SLC39A11: variants seen among roughly 807,000 people sequenced by gnomAD.
The protein encoded by SLC39A11 is zinc transporter ZIP11.
A neutral mutation model predicts 36.1 loss-of-function variants in SLC39A11; 33 were observed. That is an observed-to-expected ratio of 0.91 (90% CI 0.69 to 1.22). SLC39A11 has a LOEUF of 1.22. Among genes scored for constraint, SLC39A11 ranks in the 50% most tolerant of loss-of-function variants. The pLI is 0.00. For synonymous variants in SLC39A11, 166 were observed against 170.3 expected, an observed-to-expected ratio of 0.97 and a Z score of 0.20; for missense variants, 432 against 430.3, an observed-to-expected ratio of 1.00 and a Z score of -0.03.
chr17:72,846,000 A>ATC lies in SLC39A11; in HGVS notation c.601+3632_601+3633dup, dbSNP rs796515825. ...GAGAATCCATCTTTCAAACCAATGA[A>ATC]TCTCTCTCTCTCTCTCTCTTTTTTT... is the stretch of plus-strand genomic sequence containing the variant. On this transcript the variant is annotated intron_variant, in intron 6 of 9. Coordinates refer to ENST00000255559, the MANE Select transcript of SLC39A11 (RefSeq NM_139177.4). 4.2e-3 allele frequency among the ~76,000 whole-genome samples: 553 copies of ATC among 132,396 alleles called. 19 individuals are homozygous for ATC. Among genetic ancestry groups the ATC allele is most frequent in the African/African-American group, 9.6e-3 (316 of 32,750 alleles). The allele number at this position is 132,396 out of a possible 152,430, so 86.9% of individuals were successfully genotyped here. A position where few individuals can be genotyped will look rare whatever the true frequency, so the allele number is the denominator to read the frequency against.
chr17:72,934,246 A>G (rs1468397741), intron 5 of SLC39A11, among the ~76,000 whole-genome samples: 2 of 152,244 alleles, frequency 1.3e-5, no homozygotes, highest in Admixed American at 1.3e-4. Context: ...TTGGCAGTTC[A>G]TCAAGATTAA....
At chr17:72,768,203 A>G (rs1470299901) in intron 6 of SLC39A11, among the ~76,000 whole-genome samples, 1 of 152,210 alleles carries the variant, frequency 6.6e-6, no homozygotes, top group Non-Finnish European at 1.5e-5. Flanking sequence ...CTGGCAACCT[A>G]TGTATACACT....
intron 5 of SLC39A11, among the ~76,000 whole-genome samples, chr17:72,903,343 C>G (rs1286979383): frequency 6.6e-6 from 1 of 151,610 alleles, no homozygotes; most frequent in Non-Finnish European, 1.5e-5. Context: ...AGTTCTTCTT[C>G]TTGGATGGAT....
chr17:72,828,477 T>C (rs2078124474), intron 6 of SLC39A11, among the ~76,000 whole-genome samples: 1 of 152,100 alleles, frequency 6.6e-6, no homozygotes, highest in South Asian at 2.1e-4. Flanking sequence ...AGGAGTGAAA[T>C]GGAGGCACAG....
chr17:72,957,175 G>C (rs538949999), intron 4 of SLC39A11, among the ~76,000 whole-genome samples: 2 of 152,166 alleles, frequency 1.3e-5, no homozygotes, highest in African/African-American at 2.4e-5. Context: ...AGAGGCCAAA[G>C]CATCATCCCA....
chr17:72,701,509 C>T (rs756620734), intron 7 of SLC39A11, among the ~76,000 whole-genome samples: 6 of 152,052 alleles, frequency 3.9e-5, no homozygotes, highest in Non-Finnish European at 8.8e-5. Context: ...TGGGCAGATA[C>T]CTGAGGTCAG....
intron 7 of SLC39A11, among the ~76,000 whole-genome samples, chr17:72,671,604 T>G (rs1190221343): frequency 1.3e-5 from 2 of 151,976 alleles, no homozygotes; most frequent in African/African-American, 4.8e-5. Context: ...GCCTGTAATC[T>G]CAGCTACTCA....
intron 7 of SLC39A11, among the ~76,000 whole-genome samples, chr17:72,728,010 G>A (rs1052073265): frequency 1.6e-4 from 24 of 152,202 alleles, no homozygotes; most frequent in African/African-American, 5.8e-4. Flanking sequence ...CACAGGCGAC[G>A]TTTATATGAA....
At chr17:72,757,205 A>G (rs891570919) in intron 6 of SLC39A11, among the ~76,000 whole-genome samples, 3 of 152,012 alleles carry the variant, frequency 2.0e-5, no homozygotes, top group Admixed American at 2.0e-4. Flanking sequence ...AAATAAAAAG[A>G]AAAAAGTGGT....
chr17:73,014,781 C>A (rs2090717446), intron 4 of SLC39A11, among the ~76,000 whole-genome samples: 1 of 152,216 alleles, frequency 6.6e-6, no homozygotes, highest in Non-Finnish European at 1.5e-5. Flanking sequence ...CCTCTGGCTG[C>A]ACGTTTCTCT....
At chr17:72,703,722 A>G (rs775431414) in intron 7 of SLC39A11, among the ~76,000 whole-genome samples, 1 of 152,248 alleles carries the variant, frequency 6.6e-6, no homozygotes, top group Non-Finnish European at 1.5e-5. Context: ...AAGAACCTGA[A>G]TGAACATAGG....
chr17:73,075,714 G>A (rs576059336), intron 3 of SLC39A11, among the ~76,000 whole-genome samples: 13 of 152,220 alleles, frequency 8.5e-5, no homozygotes, highest in Non-Finnish European at 1.5e-4. Flanking sequence ...TTAGCTAGGC[G>A]TGGTGGTGGG....
intron 7 of SLC39A11, among the ~76,000 whole-genome samples, chr17:72,699,283 A>T (rs2072491606): frequency 6.6e-6 from 1 of 152,250 alleles, no homozygotes; most frequent in African/African-American, 2.4e-5. Context: ...AAATAAAAAA[A>T]TTTTGCAAAG....
At chr17:72,782,161 T>A (rs1399238085) in intron 6 of SLC39A11, among the ~76,000 whole-genome samples, 1 of 151,972 alleles carries the variant, frequency 6.6e-6, no homozygotes, top group African/African-American at 2.4e-5. Context: ...GAAGCAGACA[T>A]AGAGACACCC....
intron 5 of SLC39A11, among the ~76,000 whole-genome samples, chr17:72,883,507 T>C (rs2081306230): frequency 1.3e-5 from 2 of 152,136 alleles, no homozygotes; most frequent in Non-Finnish European, 2.9e-5. Context: ...CAAGGTTTCA[T>C]GGTGGCAGAA....
rs556164100 is a variant in SLC39A11 at position 72,736,118 on chromosome 17, G to A, written c.671+532C>T. ...ACATGGAAAATAAAGTCACAAGGACGGAGAAGATTGCCCAGAAATGGTGTG... is the reference window on the plus strand; with the variant it reads ...ACATGGAAAATAAAGTCACAAGGACAGAGAAGATTGCCCAGAAATGGTGTG... On this transcript the variant is annotated intron_variant, in intron 7 of 9. Coordinates refer to ENST00000255559, the MANE Select transcript of SLC39A11 (RefSeq NM_139177.4). Among the ~76,000 whole-genome samples the A allele has an allele frequency of 7.2e-5, 11 of 152,282 alleles. No homozygotes were observed. The South Asian group carries it at 1.5e-3, about 20-fold the overall frequency.
chr17:72,743,772 T>C (rs147269734), intron 6 of SLC39A11, among the ~76,000 whole-genome samples: 2,316 of 152,064 alleles, frequency 0.015, 54 homozygotes, highest in African/African-American at 0.051. Flanking sequence ...GGAGGAAAAA[T>C]GCTGACTGAT....
At chr17:72,780,162 G>T (rs1313756859) in intron 6 of SLC39A11, among the ~76,000 whole-genome samples, 2 of 152,182 alleles carry the variant, frequency 1.3e-5, no homozygotes, top group Admixed American at 6.5e-5. Flanking sequence ...ATGCTGGGAA[G>T]AGCTGATTAA....
chr17:72,838,655 T>C (rs776666533), intron 6 of SLC39A11, among the ~76,000 whole-genome samples: 20 of 152,174 alleles, frequency 1.3e-4, no homozygotes, highest in Non-Finnish European at 2.4e-4. Context: ...TAACTACCAG[T>C]GAGCGTGGGG....
Sources: allele counts gnomAD v4.1 joint callset (sites outside exome capture counted in the v4.1 genomes callset), GRCh38; gene constraint gnomAD v4.1.1; transcripts MANE v1.5; gene names NCBI Gene and HGNC (gene_info 2026-07-23, HGNC 2026-07-21).